SAP18: variants seen among roughly 807,000 people sequenced by gnomAD.
SAP18 encodes the protein Sin3A associated protein 18.
In SAP18, 4 loss-of-function variants were observed where a neutral mutation model predicts 18.6. The ratio of observed to expected loss-of-function variants is 0.21; its 90% confidence interval spans 0.11 to 0.49. The LOEUF is 0.49. SAP18 is among the 20% of genes least tolerant of loss of function. The pLI, the probability that SAP18 is intolerant of heterozygous loss-of-function variation, is 0.98. For synonymous variants in SAP18, 112 were observed against 82.8 expected (o/e 1.35, Z -1.92); for missense variants, 170 against 226.4 (o/e 0.75, Z 1.60).
At chr13:21,140,589 C>A (rs763338973) in exon 1 of SAP18, 1 of 1,609,008 alleles carries the variant, frequency 6.2e-7, no homozygotes. Flanking sequence ...GGGCGAGCGT[C>A]TCGCAGGCCG....
At chr13:21,140,407 A>C (rs1595287546), upstream of SAP18, 3 of 848,440 alleles carry the variant, frequency 3.5e-6, no homozygotes, top group South Asian at 1.8e-5. Flanking sequence ...GGACGTCAGC[A>C]CCCGCCTTTT....
Position 21,147,241 on chromosome 13 carries a change from AC to A in SAP18, c.421del (p.Leu141CysfsTer8). On this transcript the variant is annotated frameshift_variant, in exon 4 of 4. Transcript: ENST00000621421. LOFTEE classifies it high-confidence loss of function. ...CAGAAAGGGGACTGATGATTCCATG[AC>A]CCTGCAGTCGCAGAAGTTCCAGATA... 1 of 1,614,136 alleles carries A rather than the reference AC, an allele frequency of 6.2e-7. No homozygotes were observed. Among genetic ancestry groups the A allele is most frequent in the Non-Finnish European group, 8.5e-7 (1 of 1,180,010 alleles).
At chr13:21,141,072 G>A (rs192075505) in intron 2 of SAP18, 77 bp downstream of exon 2, 2 of 905,628 alleles carry the variant, frequency 2.2e-6, no homozygotes, top group African/African-American at 1.6e-5. Context: ...CCAGTGTAGA[G>A]TTATTCTCCC....
intron 2 of SAP18, among the ~76,000 whole-genome samples, chr13:21,145,878 T>A (rs907358794): frequency 7.7e-4 from 118 of 152,332 alleles, no homozygotes; most frequent in African/African-American, 2.8e-3. Flanking sequence ...TTTTTCAGAT[T>A]GTTCTCTTAT....
chr13:21,146,992 G>C, intron 3 of SAP18, 65 bp downstream of exon 3: 2 of 1,518,654 alleles, frequency 1.3e-6, no homozygotes, highest in Admixed American at 2.1e-5. Flanking sequence ...AACTGATACA[G>C]ATAACTCCTT....
In SAP18 at chr13:21,147,390, A is replaced by G. The variant is rs574647621; in HGVS notation, c.*48A>G. 8.0e-6 allele frequency: 12 copies of G among 1,503,110 alleles called. No homozygotes were observed. In the African/African-American group the frequency reaches 1.7e-4, roughly 21 times the overall value. The allele number at this position is 1,503,110 out of a possible 1,614,324, so 93.1% of individuals were successfully genotyped here. A position where few individuals can be genotyped will look rare whatever the true frequency, so the allele number is the denominator to read the frequency against. ...TTTATTTTTCCGTCAGTTATGTAAAATAAACATACTCTTCTTCCTCCCCTG... is the reference window on the plus strand; with the variant it reads ...TTTATTTTTCCGTCAGTTATGTAAAGTAAACATACTCTTCTTCCTCCCCTG... On this transcript the variant is annotated 3_prime_UTR_variant, in exon 4 of 4. Transcript: ENST00000621421.
At chr13:21,146,851 T>C in exon 3 of SAP18, 3 of 1,612,076 alleles carry the variant, frequency 1.9e-6, no homozygotes, top group Non-Finnish European at 2.5e-6. Flanking sequence ...AAAAGAAGTC[T>C]ACCCAGAAGC....
intron 2 of SAP18, among the ~76,000 whole-genome samples, chr13:21,143,955 T>A (rs756752889): frequency 5.3e-5 from 8 of 152,054 alleles, no homozygotes; most frequent in Non-Finnish European, 8.8e-5. Context: ...CTGGAAATTC[T>A]CAATTTGGAG....
chr13:21,147,048 G>C, intron 3 of SAP18, 121 bp downstream of exon 3: 1 of 1,414,258 alleles, frequency 7.1e-7, no homozygotes, highest in Non-Finnish European at 9.6e-7. Context: ...ATTAATACGT[G>C]GTTTGGCTTA....
intron 3 of SAP18, 71 bp downstream of exon 3, chr13:21,146,998 T>TC: frequency 6.7e-7 from 1 of 1,496,638 alleles, no homozygotes; most frequent in Admixed American, 2.1e-5. Flanking sequence ...TACAGATAAC[T>TC]CCTTCAATGA....
intron 2 of SAP18, among the ~76,000 whole-genome samples, chr13:21,141,771 AT>A (rs574252468): frequency 1.1e-3 from 165 of 152,084 alleles, no homozygotes; most frequent in Non-Finnish European, 1.8e-3. Flanking sequence ...GATTCAATTG[AT>A]TCTTCTGACT....
intron 2 of SAP18, 90 bp downstream of exon 2, chr13:21,141,085 A>G: frequency 2.4e-6 from 2 of 833,978 alleles, no homozygotes; most frequent in Non-Finnish European, 4.0e-6. Flanking sequence ...ATTCTCCCTG[A>G]TTTCAATTTC....
chr13:21,142,828 C>T (rs1236943014), intron 2 of SAP18, among the ~76,000 whole-genome samples: 2 of 152,182 alleles, frequency 1.3e-5, no homozygotes, highest in African/African-American at 4.8e-5. Context: ...GCTGGGACTA[C>T]AGGCACACAC....
chr13:21,140,507 C>A (rs758460442), upstream of SAP18: 1 of 1,539,926 alleles, frequency 6.5e-7, no homozygotes, highest in East Asian at 2.5e-5. Context: ...CAGCCCCTGG[C>A]CGACTATAAA....
chr13:21,145,326 T>G (rs768398306), intron 2 of SAP18, among the ~76,000 whole-genome samples: 3 of 152,096 alleles, frequency 2.0e-5, no homozygotes, highest in Non-Finnish European at 4.4e-5. Flanking sequence ...TAAACTTGGG[T>G]CACAACCCCA....
At chr13:21,145,759 T>G (rs371851995) in intron 2 of SAP18, among the ~76,000 whole-genome samples, 6 of 152,204 alleles carry the variant, frequency 3.9e-5, no homozygotes, top group African/African-American at 1.4e-4. Flanking sequence ...CCTCAGGTGA[T>G]CCACCCGCCT....
intron 3 of SAP18, 31 bp downstream of exon 3, chr13:21,146,958 A>G (rs1354013229): frequency 6.3e-7 from 1 of 1,587,862 alleles, no homozygotes; most frequent in Non-Finnish European, 8.5e-7. Context: ...AAGTCCTGTA[A>G]TCTCTTTGTT....
At chr13:21,146,620 C>T (rs774767464) in intron 2 of SAP18, 185 bp from the exon 3 acceptor site, 63 of 431,026 alleles carry the variant, frequency 1.5e-4, no homozygotes, top group Non-Finnish European at 2.6e-4. Flanking sequence ...AAGGCTGGTA[C>T]ATGGAGTTTT....
chr13:21,140,448 G>C (rs1439468606), upstream of SAP18: 3 of 1,332,566 alleles, frequency 2.3e-6, no homozygotes, highest in Non-Finnish European at 2.0e-6. Context: ...GCGCGCTCCG[G>C]CTCGCTCACC....
Sources: allele counts gnomAD v4.1 joint callset (sites outside exome capture counted in the v4.1 genomes callset), GRCh38; gene constraint gnomAD v4.1.1; transcripts MANE v1.5; gene names NCBI Gene and HGNC (gene_info 2026-07-23, HGNC 2026-07-21).